ST6GALNAC5: variants seen among roughly 807,000 people sequenced by gnomAD.
The protein encoded by ST6GALNAC5 is ST6 N-acetylgalactosaminide alpha-2,6-sialyltransferase 5.
Under a neutral mutation model 33.6 loss-of-function variants are expected in ST6GALNAC5, and 27 were observed. That is an observed-to-expected ratio of 0.80 (90% CI 0.59 to 1.11). The LOEUF (loss-of-function observed/expected upper bound fraction) is 1.11. ST6GALNAC5 is among the 50% of genes least tolerant of loss of function. The pLI is 0.00. For synonymous variants in ST6GALNAC5, 194 were observed against 171.2 expected (o/e 1.13, Z -1.04); for missense variants, 428 against 454.0 (o/e 0.94, Z 0.52).
chr1:77,022,051 G>A (rs1222717461), intron 2 of ST6GALNAC5, among the ~76,000 whole-genome samples: 2 of 152,188 alleles, frequency 1.3e-5, no homozygotes, highest in Non-Finnish European at 1.5e-5. Context: ...ATCTAGGGAA[G>A]TGCTATCTGG....
At chr1:76,932,981 C>A (rs1647159992) in intron 2 of ST6GALNAC5, among the ~76,000 whole-genome samples, 1 of 152,034 alleles carries the variant, frequency 6.6e-6, no homozygotes, top group African/African-American at 2.4e-5. Flanking sequence ...TCCCTGTTTT[C>A]CCCCAATTTA....
At chr1:77,037,749 G>C (rs1370504094) in intron 2 of ST6GALNAC5, among the ~76,000 whole-genome samples, 1 of 152,078 alleles carries the variant, frequency 6.6e-6, no homozygotes, top group South Asian at 2.1e-4. Flanking sequence ...TAAGAGCTAA[G>C]AGTGCTGCAG....
At chr1:77,007,352 G>T (rs1339419659) in intron 2 of ST6GALNAC5, among the ~76,000 whole-genome samples, 3 of 152,168 alleles carry the variant, frequency 2.0e-5, no homozygotes, top group Admixed American at 2.0e-4. Flanking sequence ...CTCCATTTGA[G>T]GGTTCATTCA....
At chr1:77,006,611 C>G (rs1399661046) in intron 2 of ST6GALNAC5, among the ~76,000 whole-genome samples, 1 of 152,162 alleles carries the variant, frequency 6.6e-6, no homozygotes, top group Non-Finnish European at 1.5e-5. Flanking sequence ...CATGGACCAC[C>G]ATGCCAGGCC....
At chr1:77,062,930 A>C in intron 4 of ST6GALNAC5, 45 bp from the exon 5 acceptor site, 1 of 1,549,954 alleles carries the variant, frequency 6.5e-7, no homozygotes, top group Non-Finnish European at 8.9e-7. Context: ...TCAAAGGAAA[A>C]AAAATTTTTT....
intron 2 of ST6GALNAC5, among the ~76,000 whole-genome samples, chr1:76,977,158 T>A (rs1166332294): frequency 1.3e-5 from 2 of 152,302 alleles, no homozygotes; most frequent in East Asian, 3.9e-4. Context: ...TCCACTTTAT[T>A]TTTCATTACT....
intron 2 of ST6GALNAC5, among the ~76,000 whole-genome samples, chr1:76,896,854 C>T (rs1422296904): frequency 2.0e-5 from 3 of 152,096 alleles, no homozygotes; most frequent in East Asian, 1.9e-4. Flanking sequence ...CAGTGGCAGC[C>T]ACTGCATGCA....
At chr1:76,951,847 T>C (rs1157665406) in intron 2 of ST6GALNAC5, among the ~76,000 whole-genome samples, 1 of 152,152 alleles carries the variant, frequency 6.6e-6, no homozygotes, top group East Asian at 1.9e-4. Flanking sequence ...AGCTAACCTA[T>C]GGGTGCAACT....
At chr1:76,886,921 G>A (rs1056205849) in intron 2 of ST6GALNAC5, among the ~76,000 whole-genome samples, 8 of 152,102 alleles carry the variant, frequency 5.3e-5, no homozygotes, top group African/African-American at 1.9e-4. Flanking sequence ...CCATTGTATG[G>A]CTATACCGTA....
chr1:76,879,635 G>A (rs572695386), intron 2 of ST6GALNAC5, among the ~76,000 whole-genome samples: 3 of 152,308 alleles, frequency 2.0e-5, no homozygotes, highest in South Asian at 4.1e-4. Flanking sequence ...ATTTGGCCTG[G>A]TGAGTGCCTC....
At chr1:77,035,324 C>A (rs1424942182) in intron 2 of ST6GALNAC5, among the ~76,000 whole-genome samples, 2 of 152,060 alleles carry the variant, frequency 1.3e-5, no homozygotes, top group Non-Finnish European at 2.9e-5. Flanking sequence ...AATTTGGATC[C>A]CATATAAAAA....
intron 2 of ST6GALNAC5, among the ~76,000 whole-genome samples, chr1:76,920,173 C>T (rs1557723364): frequency 6.6e-6 from 1 of 152,090 alleles, no homozygotes; most frequent in African/African-American, 2.4e-5. Flanking sequence ...AGTGAAGTAT[C>T]TTAGAACAGC....
At chr1:76,987,880 A>G (rs1405206241) in intron 2 of ST6GALNAC5, among the ~76,000 whole-genome samples, 1 of 152,118 alleles carries the variant, frequency 6.6e-6, no homozygotes, top group Non-Finnish European at 1.5e-5. Context: ...AGAACTTCCC[A>G]GTGTTCTTAG....
At chr1:77,007,122 G>T (rs532887844) in intron 2 of ST6GALNAC5, among the ~76,000 whole-genome samples, 2 of 152,156 alleles carry the variant, frequency 1.3e-5, no homozygotes, top group African/African-American at 4.8e-5. Context: ...AGTATAGAGG[G>T]CACTACCAAA....
At chr1:77,062,318 G>A (rs1183154046) in intron 4 of ST6GALNAC5, among the ~76,000 whole-genome samples, 24 of 152,150 alleles carry the variant, frequency 1.6e-4, no homozygotes, top group Non-Finnish European at 2.9e-5. Flanking sequence ...AGGGGAGCAA[G>A]TGTCAGGTAA....
At chr1:76,870,071 A>AT (rs1198884375) in intron 2 of ST6GALNAC5, among the ~76,000 whole-genome samples, 2 of 152,076 alleles carry the variant, frequency 1.3e-5, no homozygotes. Context: ...TTATTTATTT[A>AT]TTGTTGTGGC....
chr1:76,922,795 G>T (rs764652126), intron 2 of ST6GALNAC5, among the ~76,000 whole-genome samples: 6 of 151,952 alleles, frequency 3.9e-5, no homozygotes, highest in Non-Finnish European at 7.4e-5. Context: ...AATGAGCTGG[G>T]TATGGTGACA....
rs960451420 is a variant in ST6GALNAC5 at position 76,908,889 on chromosome 1, G to C, written c.261+40147G>C. Among the ~76,000 whole-genome samples, 11 of 152,114 alleles carry C rather than the reference G, an allele frequency of 7.2e-5. No individual in the cohort carries two copies. In the East Asian group the frequency reaches 2.1e-3, roughly 29 times the overall value. On this transcript the variant is annotated intron_variant, in intron 2 of 4. Coordinates refer to ENST00000477717, the MANE Select transcript of ST6GALNAC5 (RefSeq NM_030965.3). ...CTAATCAGTGAATTTACAATTCTAT[G>C]CAATTCTTTGATGCTCTAAGAAATT... is the stretch of plus-strand genomic sequence containing the variant.
intron 2 of ST6GALNAC5, among the ~76,000 whole-genome samples, chr1:77,028,255 G>A (rs1051097838): frequency 2.0e-5 from 3 of 152,210 alleles, no homozygotes; most frequent in Admixed American, 6.5e-5. Context: ...CCTGGCCAGA[G>A]AAATTCACTA....
Sources: allele counts gnomAD v4.1 joint callset (sites outside exome capture counted in the v4.1 genomes callset), GRCh38; gene constraint gnomAD v4.1.1; transcripts MANE v1.5; gene names NCBI Gene and HGNC (gene_info 2026-07-23, HGNC 2026-07-21).